BLK: variants seen among roughly 807,000 people sequenced by gnomAD.
BLK encodes the protein tyrosine-protein kinase Blk.
Under a neutral mutation model 61.8 loss-of-function variants are expected in BLK, and 64 were observed. That is an observed-to-expected ratio of 1.03 (90% CI 0.85 to 1.27). The LOEUF (loss-of-function observed/expected upper bound fraction) is 1.27, where lower values mean the gene tolerates loss of function less well. BLK is among the 50% of genes most tolerant of loss of function. BLK has a pLI of 0.00. For missense variants in BLK, 853 were observed against 660.5 expected (o/e 1.29, Z -3.19); for synonymous variants, 351 against 272.0 (o/e 1.29, Z -2.86).
intron 1 of BLK, among the ~76,000 whole-genome samples, chr8:11,540,338 G>A (rs909385070): frequency 5.9e-5 from 9 of 151,970 alleles, no homozygotes; most frequent in African/African-American, 2.2e-4. Context: ...CGCGATTCCT[G>A]TATTTACCAA....
chr8:11,522,693 T>G (rs1427228642), intron 1 of BLK, among the ~76,000 whole-genome samples: 1 of 150,094 alleles, frequency 6.7e-6, no homozygotes, highest in East Asian at 1.9e-4. Flanking sequence ...AAAAAAGCAC[T>G]GGGAATCTGT....
At chr8:11,519,366 A>G (rs951883796) in intron 1 of BLK, among the ~76,000 whole-genome samples, 5 of 152,234 alleles carry the variant, frequency 3.3e-5, no homozygotes, top group African/African-American at 1.2e-4. Flanking sequence ...GTATTGAACC[A>G]AAGCAATTTT....
chr8:11,504,370 A>G (rs1273126786), intron 1 of BLK, among the ~76,000 whole-genome samples: 5 of 15,318 alleles, frequency 3.3e-4, no homozygotes, highest in Non-Finnish European at 2.6e-4. Context: ...GAAGGAAGAA[A>G]GAAAAGAAAA....
At position 11,546,636 on chromosome 8, in the gene BLK, C is replaced by G. The variant is rs183672519; in HGVS notation, c.175+533C>G. ...TGTCACCCAGGCTGCAGTGCAGTGA[C>G]CCAACCTCAGCTCACTGCAACCTCC... On this transcript the variant is annotated intron_variant, in intron 3 of 12. Coordinates refer to ENST00000259089, the MANE Select transcript of BLK (RefSeq NM_001715.3). 4.7e-3 allele frequency among the ~76,000 whole-genome samples: 709 copies of G among 152,230 alleles called. 4 individuals are homozygous for G. Among genetic ancestry groups the G allele is most frequent in the African/African-American group, 0.016 (671 of 41,548 alleles).
chr8:11,549,018 C>T lies in BLK; in HGVS notation c.270-6C>T, dbSNP rs1410543634. On this transcript the variant is annotated splice_polypyrimidine_tract_variant and splice_region_variant and intron_variant, in intron 4 of 12. Coordinates refer to ENST00000259089, the MANE Select transcript of BLK (RefSeq NM_001715.3). ...ATCTCATCTCTGTTTCCCCTGCTCC[C>T]ATTAGAACTGGAGACTGGTGGCTGG... is the stretch of plus-strand genomic sequence containing the variant. 1.9e-6 allele frequency: 3 copies of T among 1,604,430 alleles called. No individual in the cohort carries two copies. The highest frequency in any genetic ancestry group is 2.2e-5 in the East Asian group (1 of 44,738).
intron 8 of BLK, chr8:11,556,371 A>T: frequency 2.1e-6 from 1 of 467,516 alleles, no homozygotes; most frequent in Non-Finnish European, 3.9e-6. Context: ...GGGTGGGGGA[A>T]GGACACAGGT....
chr8:11,507,284 AT>A (rs1306292473), intron 1 of BLK, among the ~76,000 whole-genome samples: 7 of 152,204 alleles, frequency 4.6e-5, no homozygotes, highest in African/African-American at 1.7e-4. Context: ...ATGGACTAGG[AT>A]TGTAAAAGAA....
At chr8:11,511,835 A>G (rs187370569) in intron 1 of BLK, among the ~76,000 whole-genome samples, 1 of 152,330 alleles carries the variant, frequency 6.6e-6, no homozygotes, top group East Asian at 1.9e-4. Context: ...CATAATCAAT[A>G]TTTAGGATAA....
At chr8:11,556,550 C>T in intron 8 of BLK, 108 bp from the exon 9 acceptor site, 1 of 1,336,438 alleles carries the variant, frequency 7.5e-7, no homozygotes, top group East Asian at 2.3e-5. Flanking sequence ...CCAGCTCTGG[C>T]ACCTGGAATG....
At chr8:11,532,187 T>G (rs1799913885) in intron 1 of BLK, among the ~76,000 whole-genome samples, 1 of 146,068 alleles carries the variant, frequency 6.8e-6, no homozygotes, top group Non-Finnish European at 1.5e-5. Flanking sequence ...ATAAAAAAAT[T>G]TTAATATTTA....
intron 1 of BLK, among the ~76,000 whole-genome samples, chr8:11,502,418 C>G (rs1341107317): frequency 6.6e-6 from 1 of 151,968 alleles, no homozygotes; most frequent in Non-Finnish European, 1.5e-5. Flanking sequence ...ATTCTCCTGC[C>G]TCATCCTCCC....
chr8:11,508,887 G>T (rs1269906420), intron 1 of BLK, among the ~76,000 whole-genome samples: 1 of 152,174 alleles, frequency 6.6e-6, no homozygotes, highest in South Asian at 2.1e-4. Context: ...CAGGGCTCGA[G>T]GGAGGTGCCT....
In BLK at chr8:11,502,337, T is replaced by A. The variant is rs181693565; in HGVS notation, c.-2+7746T>A. Among the ~76,000 whole-genome samples, 6 of 152,258 alleles carry A rather than the reference T, an allele frequency of 3.9e-5. No homozygotes were observed. In the East Asian group the frequency reaches 5.8e-4, roughly 15 times the overall value. The stretch of plus-strand genomic sequence containing the variant: ...ATTTTTCTTTGAGAAGGAGTCTTAC[T>A]CTGTTGCCCAGGCTGCAGTGCAGTG... On this transcript the variant is annotated intron_variant, in intron 1 of 12. Coordinates refer to ENST00000259089, the MANE Select transcript of BLK (RefSeq NM_001715.3).
intron 8 of BLK, chr8:11,555,716 A>G: frequency 1.5e-6 from 1 of 662,762 alleles, no homozygotes; most frequent in South Asian, 1.8e-5. Context: ...AATCCAGCTC[A>G]CCCAGCCCCG....
chr8:11,548,819 A>G (rs532573739), intron 4 of BLK, among the ~76,000 whole-genome samples: 1 of 152,332 alleles, frequency 6.6e-6, no homozygotes, highest in Non-Finnish European at 1.5e-5. Flanking sequence ...CAGGCTGTGT[A>G]GATAAGCTCT....
chr8:11,527,114 G>C lies in BLK; in HGVS notation c.-1-16110G>C, dbSNP rs772023682. Among the ~76,000 whole-genome samples, 4 of 152,152 alleles carry C rather than the reference G, an allele frequency of 2.6e-5. No homozygotes were observed. In the East Asian group the frequency reaches 7.7e-4, roughly 29 times the overall value. On this transcript the variant is annotated intron_variant, in intron 1 of 12. Coordinates refer to ENST00000259089, the MANE Select transcript of BLK (RefSeq NM_001715.3). ...GCATGCTCGCAAGGGGTCTTTCACT[G>C]TCCTTAAGGCTTAATGTGGACGTCT...
chr8:11,555,607 A>T (rs567736573), intron 8 of BLK, 123 bp downstream of exon 8: 1 of 1,455,778 alleles, frequency 6.9e-7, no homozygotes, highest in South Asian at 1.2e-5. Flanking sequence ...GGGAGCGAGG[A>T]CAGAGGCGAG....
chr8:11,528,040 C>T (rs1036076802), intron 1 of BLK, among the ~76,000 whole-genome samples: 26 of 152,044 alleles, frequency 1.7e-4, no homozygotes, highest in African/African-American at 6.0e-4. Context: ...CTATTATCAT[C>T]CTTGCTTTTT....
At chr8:11,524,907 T>C (rs1799592996) in intron 1 of BLK, among the ~76,000 whole-genome samples, 1 of 138,712 alleles carries the variant, frequency 7.2e-6, no homozygotes, top group African/African-American at 2.7e-5. Flanking sequence ...TGATCCCATT[T>C]TGCTTTTTTA....
Sources: gnomAD v4.1 joint callset for allele counts (sites outside exome capture counted in the v4.1 genomes callset) on GRCh38, gnomAD v4.1.1 for gene constraint, MANE v1.5 for transcripts, NCBI Gene and HGNC (gene_info 2026-07-23, HGNC 2026-07-21) for gene names.